Variants in KDM4B observed in about 807,000 individuals in gnomAD.
KDM4B encodes the protein lysine demethylase 4B, also known as lysine-specific demethylase 4B.
KDM4B carries 32 observed loss-of-function variants against 125.2 expected under a neutral mutation model. The ratio of observed to expected loss-of-function variants is 0.26; its 90% CI spans 0.19 to 0.34. The LOEUF (loss-of-function observed/expected upper bound fraction) is 0.34, where lower values mean the gene tolerates loss of function less well. Ranked by LOEUF, KDM4B falls within the 10% of genes least tolerant of loss-of-function variation. The pLI is 1.00. For missense variants in KDM4B, 1,190 were observed against 1,577.7 expected, an observed-to-expected ratio of 0.75 and a Z score of 4.16; for synonymous variants, 721 against 677.9, an observed-to-expected ratio of 1.06 and a Z score of -0.99.
chr19:5,131,499 G>C lies in KDM4B; in HGVS notation c.1739G>C (p.Ser580Thr). 1 of 1,505,738 alleles carries C rather than the reference G, an allele frequency of 6.6e-7. No individual in the cohort carries two copies. 93.3% of individuals were successfully genotyped at this position (1,505,738 alleles called of 1,614,324 possible). ...LTGPEDGAAS[S>T]GAGRMETKAR... Reference sequence around the variant, plus strand: ...GGGCCAGAGGACGGTGCAGCCAGCAGTGGGGCAGGTCGCATGGAGACCAAA... The same window carrying C: ...GGGCCAGAGGACGGTGCAGCCAGCACTGGGGCAGGTCGCATGGAGACCAAA... Residue 580 changes from serine (S) to threonine (T), a missense_variant, in exon 12 of 23, where the codon AGT becomes ACT. By Grantham distance (58) the Ser-to-Thr change is moderately conservative (BLOSUM62 1). This residue lies in a region of KDM4B where 428 missense variants were observed against 405.1 expected (regional missense o/e 1.06). Transcript: ENST00000159111.
intron 21 of KDM4B, among the ~76,000 whole-genome samples, chr19:5,145,552 C>T (rs1340301910): frequency 1.3e-5 from 2 of 152,120 alleles, no homozygotes; most frequent in East Asian, 1.9e-4. Flanking sequence ...CTGCACTCCA[C>T]ACTCCAGCCT....
At chr19:5,098,361 G>A (rs2038868050) in intron 9 of KDM4B, among the ~76,000 whole-genome samples, 2 of 152,318 alleles carry the variant, frequency 1.3e-5, no homozygotes, top group African/African-American at 4.8e-5. Context: ...TGGCTCAGAA[G>A]GCGTAATCTC....
intron 6 of KDM4B, among the ~76,000 whole-genome samples, chr19:5,055,819 T>C (rs1221501889): frequency 6.6e-6 from 1 of 152,228 alleles, no homozygotes; most frequent in Non-Finnish European, 1.5e-5. Flanking sequence ...TAGACCTGTT[T>C]TAGATTCACT....
chr19:5,121,420 G>A (rs1248711217), intron 11 of KDM4B, among the ~76,000 whole-genome samples: 1 of 152,206 alleles, frequency 6.6e-6, no homozygotes, highest in Non-Finnish European at 1.5e-5. Context: ...CTGTTATTAT[G>A]TAGCGACAAT....
At chr19:5,150,942 G>A (rs2039936058) in intron 22 of KDM4B, among the ~76,000 whole-genome samples, 1 of 152,252 alleles carries the variant, frequency 6.6e-6, no homozygotes, top group Admixed American at 6.5e-5. Context: ...CGCTCCCCCA[G>A]CCCTCATGGG....
chr19:5,037,078 AGAGGAATCGG>A (rs1311570478), intron 3 of KDM4B, among the ~76,000 whole-genome samples: 1 of 152,254 alleles, frequency 6.6e-6, no homozygotes, highest in Non-Finnish European at 1.5e-5. Context: ...TTTCAAGAGC[AGAGGAATCGG>A]GAGCGAAGTG....
intron 1 of KDM4B, among the ~76,000 whole-genome samples, chr19:4,980,218 A>ACCAGTGGTCACTATCCATCCCCTCCC (rs1178980025): frequency 1.3e-5 from 2 of 152,050 alleles, no homozygotes; most frequent in African/African-American, 4.8e-5. Context: ...CTCTGCCTCC[A>ACCAGTGGTCACTATCCATCCCCTCCC]CCAGTGGTCA....
chr19:5,142,872 G>A lies in KDM4B; in HGVS notation c.2551-1095G>A, dbSNP rs141845127. On this transcript the variant is annotated intron_variant, in intron 18 of 22. Transcript: ENST00000159111. The surrounding 1 kb of genome is among the most constrained non-coding windows in gnomAD (Gnocchi z 5.4). ...TGGTTTATAGAGTGGTGACGGTGCC[G>A]CTTATTAAATGCTTAGCTGGGCCTG... Among the ~76,000 whole-genome samples, 136 of 152,150 alleles carry A rather than the reference G, an allele frequency of 8.9e-4. 1 individual carries two copies. Among genetic ancestry groups the A allele is most frequent in the African/African-American group, 2.4e-3 (98 of 41,488 alleles).
At chr19:5,150,304 G>A in intron 21 of KDM4B, 54 bp from the exon 22 acceptor site, 2 of 1,482,288 alleles carry the variant, frequency 1.3e-6, no homozygotes, top group Non-Finnish European at 1.8e-6. Flanking sequence ...GGCCTGCCTG[G>A]AGCACCTGCC....
intron 1 of KDM4B, among the ~76,000 whole-genome samples, chr19:4,980,769 G>C (rs561879988): frequency 6.6e-6 from 1 of 152,040 alleles, no homozygotes; most frequent in Non-Finnish European, 1.5e-5. Context: ...TCCCCTGTGC[G>C]GGGGGTGTCC....
chr19:5,043,498 G>A (rs1252531495), intron 5 of KDM4B, among the ~76,000 whole-genome samples: 13 of 147,002 alleles, frequency 8.8e-5, no homozygotes, highest in African/African-American at 3.3e-4. Flanking sequence ...ATCCCGTGCT[G>A]TGTTTATCGG....
intron 2 of KDM4B, 23 bp from the exon 3 acceptor site, chr19:5,032,843 C>T (rs2036501710): frequency 2.5e-6 from 4 of 1,603,590 alleles, no homozygotes; most frequent in Non-Finnish European, 3.4e-6. Context: ...CGCTGGTTCA[C>T]CCTCTCTCGT....
chr19:4,983,441 C>T (rs1177386978), intron 1 of KDM4B, among the ~76,000 whole-genome samples: 1 of 152,240 alleles, frequency 6.6e-6, no homozygotes, highest in African/African-American at 2.4e-5. Context: ...ACAGGTGCGG[C>T]TGAAGAAGAG....
intron 18 of KDM4B, among the ~76,000 whole-genome samples, chr19:5,139,616 A>G (rs2039706763): frequency 6.6e-6 from 1 of 152,160 alleles, no homozygotes; most frequent in Non-Finnish European, 1.5e-5. Context: ...CAGCCGCCCT[A>G]GCAGGTGCGA....
chr19:5,145,538 A>G (rs1428699587), intron 21 of KDM4B, among the ~76,000 whole-genome samples: 2 of 152,092 alleles, frequency 1.3e-5, no homozygotes, highest in East Asian at 3.9e-4. Flanking sequence ...CCGAGATCAC[A>G]CCACTGCACT....
At chr19:5,096,426 C>G (rs1017117427) in intron 9 of KDM4B, among the ~76,000 whole-genome samples, 1 of 152,218 alleles carries the variant, frequency 6.6e-6, no homozygotes, top group Non-Finnish European at 1.5e-5. Context: ...ATCCGGACTC[C>G]TGGCAGCATG....
intron 9 of KDM4B, among the ~76,000 whole-genome samples, chr19:5,109,597 T>C (rs897227493): frequency 6.6e-6 from 1 of 152,180 alleles, no homozygotes; most frequent in African/African-American, 2.4e-5. Context: ...GTTTGCTCAA[T>C]TCCCCCAAGA....
At chr19:5,076,031 G>A in intron 7 of KDM4B, 1 of 178,170 alleles carries the variant, frequency 5.6e-6, no homozygotes, top group Non-Finnish European at 1.2e-5. Flanking sequence ...CGAGAGGAGA[G>A]CGGCCACACT....
chr19:5,056,549 G>A (rs1599520314), intron 6 of KDM4B, among the ~76,000 whole-genome samples: 3 of 152,074 alleles, frequency 2.0e-5, no homozygotes, highest in Admixed American at 2.0e-4. Context: ...GAGATTACAG[G>A]TGCGTGCTGC....
Sources: gnomAD v4.1 joint callset for allele counts (sites outside exome capture counted in the v4.1 genomes callset) on GRCh38, gnomAD v4.1.1 for gene constraint, gnomAD v4.1.1 regional missense constraint, Gnocchi (gnomAD v3.1) non-coding constraint, MANE v1.5 for transcripts, NCBI Gene and HGNC (gene_info 2026-07-23, HGNC 2026-07-21) for gene names.